The following FER variants were observed in gnomAD, a reference collection of about 807,000 sequenced individuals.
FER encodes the protein tyrosine-protein kinase Fer.
A neutral mutation model predicts 111.0 loss-of-function variants in FER; 63 were observed. That is an observed-to-expected ratio of 0.57 (90% confidence interval 0.46 to 0.70). The LOEUF (loss-of-function observed/expected upper bound fraction) is 0.70. Ranked by LOEUF, FER falls within the 30% of genes least tolerant of loss-of-function variation. The pLI is 0.00. For synonymous variants in FER, 327 were observed against 313.9 expected (o/e 1.04, Z -0.44); for missense variants, 914 against 954.0 (o/e 0.96, Z 0.55).
chr5:109,059,757 G>T (rs1450497242), intron 16 of FER, among the ~76,000 whole-genome samples: 3 of 152,192 alleles, frequency 2.0e-5, no homozygotes, highest in Non-Finnish European at 4.4e-5. Flanking sequence ...GGTCACTTTG[G>T]AAGAGAATTT....
intron 14 of FER, among the ~76,000 whole-genome samples, chr5:109,043,844 G>A (rs375383187): frequency 1.3e-3 from 195 of 151,992 alleles, no homozygotes; most frequent in African/African-American, 4.0e-3. Flanking sequence ...GGTGGTGTGC[G>A]CCTGTAGTCC....
chr5:108,959,066 A>AT (rs1300482361), intron 12 of FER, among the ~76,000 whole-genome samples, 159 bp from the exon 13 acceptor site: 2 of 151,932 alleles, frequency 1.3e-5, no homozygotes, highest in Non-Finnish European at 2.9e-5. Context: ...TATTTTTATC[A>AT]TCTTAACCAT....
intron 16 of FER, among the ~76,000 whole-genome samples, chr5:109,055,528 T>A (rs1178002280): frequency 6.6e-6 from 1 of 152,114 alleles, no homozygotes; most frequent in Non-Finnish European, 1.5e-5. Flanking sequence ...GGCTCATTCC[T>A]GTAATCCCAG....
At chr5:109,040,853 A>G (rs768812735) in intron 14 of FER, among the ~76,000 whole-genome samples, 8 of 152,098 alleles carry the variant, frequency 5.3e-5, no homozygotes, top group South Asian at 2.1e-4. Context: ...AGGGGATGCA[A>G]TTTAGTTCAC....
intron 13 of FER, among the ~76,000 whole-genome samples, chr5:109,004,669 T>G (rs564649982): frequency 9.8e-5 from 15 of 152,290 alleles, no homozygotes; most frequent in African/African-American, 3.4e-4. Context: ...ATTTTAAAAT[T>G]TACATTACAG....
chr5:108,802,050 C>G (rs112311362), intron 3 of FER, among the ~76,000 whole-genome samples: 5,487 of 152,162 alleles, frequency 0.036, 164 homozygotes, highest in Non-Finnish European at 0.054. Flanking sequence ...TTAAAACTTA[C>G]GAATTGTTTA....
chr5:109,176,018 G>A (rs1480449877), intron 17 of FER, among the ~76,000 whole-genome samples: 1 of 152,078 alleles, frequency 6.6e-6, no homozygotes, highest in Non-Finnish European at 1.5e-5. Flanking sequence ...ACAAATGCTG[G>A]CAAGGATGCA....
chr5:108,827,422 T>G (rs1426809483), intron 3 of FER, among the ~76,000 whole-genome samples: 1 of 152,116 alleles, frequency 6.6e-6, no homozygotes, highest in Non-Finnish European at 1.5e-5. Context: ...ATGTTTCTCT[T>G]CAAAAGAAGA....
chr5:108,888,999 A>C (rs1747608344), intron 9 of FER, among the ~76,000 whole-genome samples: 2 of 152,044 alleles, frequency 1.3e-5, no homozygotes, highest in East Asian at 3.9e-4. Context: ...ATTGATTGCC[A>C]GCATGGTACA....
At chr5:108,914,231 C>G (rs62360831) in intron 10 of FER, among the ~76,000 whole-genome samples, 7,584 of 141,166 alleles carry the variant, frequency 0.054, 205 homozygotes, top group Middle Eastern at 0.094. Context: ...ACTTGTCTCT[C>G]TGTGTGTGTG....
Position 109,021,808 on chromosome 5 carries a change from T to C in FER, c.1657-15614T>C, listed in dbSNP as rs1241275486. ...ACGTTGTGAAATGTGTGCATTTTGT[T>C]CCTAAAAGTTGTTGTTTTTTCATGT... is the stretch of plus-strand genomic sequence containing the variant. On this transcript the variant is annotated intron_variant, in intron 13 of 19. Coordinates refer to ENST00000281092, the MANE Select transcript of FER (RefSeq NM_005246.4). Among the ~76,000 whole-genome samples, 3 of 152,228 alleles carry C rather than the reference T, an allele frequency of 2.0e-5. No individual in the cohort carries two copies. In the East Asian group the frequency reaches 5.8e-4, roughly 29 times the overall value.
chr5:109,105,761 G>T (rs1035424007), intron 17 of FER, among the ~76,000 whole-genome samples: 1 of 152,122 alleles, frequency 6.6e-6, no homozygotes, highest in Non-Finnish European at 1.5e-5. Context: ...CTAACAGCTG[G>T]CATTTATTAA....
chr5:108,859,774 G>A (rs1183860297), intron 5 of FER, among the ~76,000 whole-genome samples: 1 of 151,864 alleles, frequency 6.6e-6, no homozygotes, highest in Non-Finnish European at 1.5e-5. Context: ...CTTTAAAGGT[G>A]TTTTATATTG....
At chr5:108,966,768 G>T (rs1043642807) in intron 13 of FER, among the ~76,000 whole-genome samples, 8 of 152,020 alleles carry the variant, frequency 5.3e-5, no homozygotes, top group Non-Finnish European at 1.0e-4. Flanking sequence ...ACAACAAAAT[G>T]TACAATATTT....
chr5:109,077,090 A>G (rs1776432337), intron 16 of FER, among the ~76,000 whole-genome samples: 1 of 152,190 alleles, frequency 6.6e-6, no homozygotes, highest in Non-Finnish European at 1.5e-5. Context: ...CCTTTTATAC[A>G]CTGTCTTTAA....
At chr5:108,856,657 A>G (rs1763037198) in intron 5 of FER, among the ~76,000 whole-genome samples, 1 of 152,140 alleles carries the variant, frequency 6.6e-6, no homozygotes, top group African/African-American at 2.4e-5. Flanking sequence ...CACATAACCT[A>G]GGACACCATG....
rs867470833 is a variant in FER, at chr5:108,963,051, A to G, written c.1656+3704A>G. ...CAAAAACTATTTGTTTCTATAAAAG[A>G]AAAATTACTGAACAGCAATATTGGG... On this transcript the variant is annotated intron_variant, in intron 13 of 19. Transcript: ENST00000281092. Among the ~76,000 whole-genome samples the G allele has an allele frequency of 1.7e-4, 26 of 152,312 alleles. 1 individual carries two copies. In the Middle Eastern group the frequency reaches 0.024, roughly 139 times the overall value.
rs779188716 is a variant in FER, at chr5:108,835,674, T to C, written c.382-34T>C. On this transcript the variant is annotated intron_variant, in intron 4 of 19. Coordinates refer to ENST00000281092, the MANE Select transcript of FER (RefSeq NM_005246.4). ...TCTTGAGCAATTTAAATTTAAACAA[T>C]TTAATACATTTATGCATTTTGTTTC... The C allele has an allele frequency of 3.7e-6, 5 of 1,340,492 alleles. No homozygotes were observed. The Admixed American group carries it at 9.5e-5, about 25-fold the overall frequency. 83.0% of individuals were successfully genotyped at this position (1,340,492 alleles called of 1,614,324 possible). A position where few individuals can be genotyped will look rare whatever the true frequency, so the allele number is the denominator to read the frequency against.
chr5:108,858,334 G>A (rs1286817880), intron 5 of FER, among the ~76,000 whole-genome samples: 2 of 152,160 alleles, frequency 1.3e-5, no homozygotes, highest in African/African-American at 2.4e-5. Flanking sequence ...GCTAACTCAT[G>A]CCTCTGAAAA....
Sources: allele counts gnomAD v4.1 joint callset (sites outside exome capture counted in the v4.1 genomes callset), GRCh38; gene constraint gnomAD v4.1.1; transcripts MANE v1.5; gene names NCBI Gene and HGNC (gene_info 2026-07-23, HGNC 2026-07-21).